Variants in RPS6KA2 observed in about 807,000 individuals in gnomAD.
RPS6KA2 encodes ribosomal protein S6 kinase A2.
Under a neutral mutation model 91.8 loss-of-function variants are expected in RPS6KA2, and 42 were observed. The ratio of observed to expected loss-of-function variants is 0.46; its 90% confidence interval spans 0.36 to 0.59. The LOEUF is 0.59. Among genes scored for constraint, RPS6KA2 ranks in the 20% least tolerant of loss-of-function variants. The pLI, the probability that RPS6KA2 is intolerant of heterozygous loss-of-function variation, is 0.00. For missense variants in RPS6KA2, 798 were observed against 978.5 expected (o/e 0.82, Z 2.46); for synonymous variants, 414 against 393.6 (o/e 1.05, Z -0.61).
intron 8 of RPS6KA2, among the ~76,000 whole-genome samples, chr6:166,497,399 T>C (rs1443982225): frequency 6.6e-6 from 1 of 152,010 alleles, no homozygotes; most frequent in Admixed American, 6.6e-5. Context: ...CAGGAAGGAG[T>C]AGCCACAAAC....
intron 1 of RPS6KA2, among the ~76,000 whole-genome samples, chr6:166,551,441 T>C (rs1784020333): frequency 6.6e-6 from 1 of 152,210 alleles, no homozygotes; most frequent in Admixed American, 6.5e-5. Context: ...CTGCTCTGTG[T>C]GCTATTTCCT....
chr6:166,862,123 C>G (rs781115968), exon 1 of RPS6KA2: 5 of 1,614,256 alleles, frequency 3.1e-6, no homozygotes, highest in Admixed American at 1.7e-5. Flanking sequence ...TTTCCATAGG[C>G]TCCACCTCGA....
intron 2 of RPS6KA2, among the ~76,000 whole-genome samples, chr6:166,803,032 C>T (rs1779409808): frequency 6.6e-6 from 1 of 151,562 alleles, no homozygotes; most frequent in African/African-American, 2.4e-5. Flanking sequence ...ACCAATAATC[C>T]TTAAATGTTG....
chr6:166,854,123 G>A (rs529967112), intron 2 of RPS6KA2, among the ~76,000 whole-genome samples: 5 of 152,140 alleles, frequency 3.3e-5, no homozygotes, highest in African/African-American at 7.2e-5. Flanking sequence ...CACCCATCCC[G>A]TGAATTTATG....
At position 166,850,860 on chromosome 6, in the gene RPS6KA2, C is replaced by T. The variant is rs182099574; in HGVS notation, c.123+7340G>A. ...GTGTGACCAGAGATGCCTGTAGCAC[C>T]GAGATAAGGCCTGAACAGAAGGAAG... is the stretch of plus-strand genomic sequence containing the variant. On this transcript the variant is annotated intron_variant, in intron 2 of 21. Coordinates refer to the RPS6KA2 transcript ENST00000503859. Among the ~76,000 whole-genome samples, 1,314 of 152,162 alleles carry T rather than the reference C, an allele frequency of 8.6e-3. 14 individuals carry two copies. The highest frequency in any genetic ancestry group is 0.011 in the Non-Finnish European group (738 of 67,996).
chr6:166,620,723 G>C (rs1207200826), intron 1 of RPS6KA2, among the ~76,000 whole-genome samples: 1 of 152,254 alleles, frequency 6.6e-6, no homozygotes. Flanking sequence ...CGGATGCCAA[G>C]TGCAAGCTGT....
At chr6:166,836,713 G>A (rs1204119021) in intron 2 of RPS6KA2, among the ~76,000 whole-genome samples, 3 of 152,174 alleles carry the variant, frequency 2.0e-5, no homozygotes, top group African/African-American at 7.2e-5. Flanking sequence ...GTTGGTTCTA[G>A]CGTCTGGGCC....
intron 2 of RPS6KA2, among the ~76,000 whole-genome samples, chr6:166,824,807 A>ATG (rs1562458608): frequency 1.3e-4 from 18 of 133,586 alleles, no homozygotes. Context: ...CTGTGTGTCT[A>ATG]TGTGTGTCTG....
chr6:166,586,503 A>G, intron 1 of RPS6KA2: 1 of 1,585,304 alleles, frequency 6.3e-7, no homozygotes. Flanking sequence ...GGTTTGAGGC[A>G]GCTGTATTGC....
intron 2 of RPS6KA2, among the ~76,000 whole-genome samples, chr6:166,673,914 C>T (rs1288717646): frequency 6.6e-6 from 1 of 152,174 alleles, no homozygotes; most frequent in South Asian, 2.1e-4. Flanking sequence ...CTGTGCCGTT[C>T]TAAAGAGTTA....
chr6:166,801,857 T>A (rs1324602646), intron 2 of RPS6KA2, among the ~76,000 whole-genome samples: 1 of 152,146 alleles, frequency 6.6e-6, no homozygotes, highest in African/African-American at 2.4e-5. Context: ...GTGTGAATGG[T>A]TTATAATTGA....
intron 2 of RPS6KA2, among the ~76,000 whole-genome samples, chr6:166,643,730 A>G (rs1211044690): frequency 6.6e-6 from 1 of 152,224 alleles, no homozygotes; most frequent in Non-Finnish European, 1.5e-5. Flanking sequence ...GAATCCTCCT[A>G]AAGTTCTGAC....
intron 10 of RPS6KA2, among the ~76,000 whole-genome samples, chr6:166,475,344 C>T (rs1296847260): frequency 2.0e-5 from 3 of 152,232 alleles, no homozygotes; most frequent in Admixed American, 1.3e-4. Context: ...GAGCGTGGCC[C>T]GGCCCCTGGC....
intron 2 of RPS6KA2, among the ~76,000 whole-genome samples, chr6:166,747,272 C>A (rs1021788436): frequency 6.6e-6 from 1 of 152,130 alleles, no homozygotes; most frequent in South Asian, 2.1e-4. Flanking sequence ...TCCTCCCATT[C>A]GTGTACAAAG....
In RPS6KA2 at chr6:166,432,462, G is replaced by T. The variant is rs780204450; in HGVS notation, c.1361C>A (p.Ser454Ter). 6.2e-7 allele frequency: 1 copy of T among 1,613,164 alleles called. No individual in the cohort carries two copies. Among genetic ancestry groups the T allele is most frequent in the African/African-American group, 1.3e-5 (1 of 75,020 alleles). ...CCGCAGGAGGATCTCAATCTCTTCC[G>T]AGGGGTCTCTCTTGCTCTTATCAAT... ...KIIDKSKRDP[S>*]EEIEILLRYG... The change falls in exon 15 of 21, where the codon TCG (serine) becomes TAG (stop). Residue 454 changes from serine (S) to a stop codon, truncating the protein, a stop_gained. Transcript: ENST00000265678. LOFTEE classifies it high-confidence loss of function.
chr6:166,575,645 C>T lies in RPS6KA2; in HGVS notation c.100-36861G>A, dbSNP rs556277018. Among the ~76,000 whole-genome samples the T allele has an allele frequency of 4.6e-5, 7 of 152,168 alleles. No homozygotes were observed. The East Asian group carries it at 7.7e-4, about 17-fold the overall frequency. On this transcript the variant is annotated intron_variant, in intron 1 of 20. Transcript: ENST00000265678. ...TTTTTTACATGCTTTCATTATTAAA[C>T]GTTTTACCTCAGGAGAGTTAAGACC...
chr6:166,509,571 G>GC (rs1457841436), intron 4 of RPS6KA2: 1 of 154,186 alleles, frequency 6.5e-6, no homozygotes, highest in African/African-American at 2.4e-5. Context: ...TTGCAACCAA[G>GC]AACAAACTAT....
intron 2 of RPS6KA2, among the ~76,000 whole-genome samples, chr6:166,826,024 T>C (rs1333614909): frequency 2.0e-5 from 3 of 152,152 alleles, no homozygotes; most frequent in Non-Finnish European, 4.4e-5. Context: ...AGCACAACAA[T>C]GAGTCATTAG....
chr6:166,467,765 T>A (rs1780599248), intron 11 of RPS6KA2, among the ~76,000 whole-genome samples: 1 of 152,254 alleles, frequency 6.6e-6, no homozygotes, highest in Non-Finnish European at 1.5e-5. Flanking sequence ...TCCTGTGACA[T>A]GTGCAGACCC....
Sources: allele counts gnomAD v4.1 joint callset (sites outside exome capture counted in the v4.1 genomes callset), GRCh38; gene constraint gnomAD v4.1.1; transcripts MANE v1.5; gene names NCBI Gene and HGNC (gene_info 2026-07-23, HGNC 2026-07-21).